Variants in TBXAS1 observed in about 807,000 individuals in gnomAD.
TBXAS1 encodes thromboxane A synthase 1.
TBXAS1 carries 48 observed loss-of-function variants against 60.7 expected under a neutral mutation model. That is an observed-to-expected ratio of 0.79 (90% confidence interval 0.63 to 1.01). The LOEUF is 1.01. TBXAS1 is among the 50% of genes least tolerant of loss of function. The pLI is 0.00. For synonymous variants in TBXAS1, 287 were observed against 269.7 expected (o/e 1.06, Z -0.63); for missense variants, 685 against 686.3 (o/e 1.00, Z 0.02).
intron 3 of TBXAS1, among the ~76,000 whole-genome samples, chr7:139,902,801 G>A (rs1804682823): frequency 6.6e-6 from 1 of 152,080 alleles, no homozygotes; most frequent in Admixed American, 6.5e-5. Flanking sequence ...TAGCCTTTCT[G>A]ATAGATGTGA....
chr7:139,845,381 C>T (rs1799729879), intron 1 of TBXAS1, among the ~76,000 whole-genome samples: 1 of 152,138 alleles, frequency 6.6e-6, no homozygotes, highest in Non-Finnish European at 1.5e-5. Flanking sequence ...CTCACAGCTC[C>T]TCCCACACAC....
In TBXAS1 at chr7:139,936,299, C is replaced by G; in HGVS notation, c.442C>G (p.Leu148Val). The change falls in exon 5 of 13, where the codon CTG (leucine) becomes GTG (valine). Residue 148 changes from leucine to valine, a missense_variant. Coordinates refer to ENST00000448866, the MANE Select transcript of TBXAS1 (RefSeq NM_001061.7). Reference sequence around the variant, plus strand: ...GATGTCTGCTTTCAGTCCTGAAAAGCTGAACGAGGTAAGACATGAGAAATG... The same window carrying G: ...GATGTCTGCTTTCAGTCCTGAAAAGGTGAACGAGGTAAGACATGAGAAATG... ...ALMSAFSPEKLNEMVPLISQA... is the reference protein window; with the variant it reads ...ALMSAFSPEKVNEMVPLISQA... 6.2e-7 allele frequency: 1 copy of G among 1,614,146 alleles called. No individual in the cohort carries two copies. Among genetic ancestry groups the G allele is most frequent in the Non-Finnish European group, 8.5e-7 (1 of 1,179,992 alleles).
At chr7:139,940,424 A>G (rs1168900200) in intron 5 of TBXAS1, among the ~76,000 whole-genome samples, 4 of 152,214 alleles carry the variant, frequency 2.6e-5, no homozygotes, top group African/African-American at 9.7e-5. Flanking sequence ...TTAAAAATAC[A>G]TAATTTCAGC....
chr7:140,008,237 C>A (rs1202215243), intron 10 of TBXAS1, among the ~76,000 whole-genome samples: 1 of 152,172 alleles, frequency 6.6e-6, no homozygotes, highest in Non-Finnish European at 1.5e-5. Context: ...ATGTTCAAGT[C>A]CAGAAGCAAA....
chr7:140,019,956 CCAAGTCTT>C, intron 12 of TBXAS1, 61 bp from the exon 13 acceptor site: 2 of 1,505,428 alleles, frequency 1.3e-6, no homozygotes, highest in South Asian at 2.3e-5. Flanking sequence ...TCTTGAACCT[CCAAGTCTT>C]CATTTGTACA....
chr7:139,866,225 G>T (rs1397982568), intron 1 of TBXAS1, among the ~76,000 whole-genome samples: 1 of 152,146 alleles, frequency 6.6e-6, no homozygotes, highest in Non-Finnish European at 1.5e-5. Context: ...AAATCTTCAT[G>T]CACAAAGTGT....
chr7:139,820,387 C>T (rs1798265539), intron 4 of TBXAS1, among the ~76,000 whole-genome samples: 1 of 152,144 alleles, frequency 6.6e-6, no homozygotes, highest in South Asian at 2.1e-4. Flanking sequence ...TGGTTAGCAA[C>T]ATCAAGAGCA....
intron 4 of TBXAS1, among the ~76,000 whole-genome samples, chr7:139,816,882 G>A (rs1441161262): frequency 5.3e-5 from 8 of 152,128 alleles, no homozygotes; most frequent in Non-Finnish European, 1.2e-4. Context: ...GTAGGGCTGC[G>A]TAGAGCAGGT....
chr7:139,993,888 CTTTCTTT>C (rs952652654), intron 9 of TBXAS1, among the ~76,000 whole-genome samples: 9 of 137,730 alleles, frequency 6.5e-5, no homozygotes, highest in Admixed American at 4.4e-4. Context: ...CTTTTTCTTT[CTTTCTTT>C]TTTTTTTTTT....
At chr7:140,003,556 G>C in intron 9 of TBXAS1, among the ~76,000 whole-genome samples, 1 of 152,200 alleles carries the variant, frequency 6.6e-6, no homozygotes, top group East Asian at 1.9e-4. Flanking sequence ...AAAGAGAAAA[G>C]CCTATCTAGG....
At chr7:139,892,557 C>T (rs935001247) in intron 3 of TBXAS1, among the ~76,000 whole-genome samples, 20 of 152,254 alleles carry the variant, frequency 1.3e-4, no homozygotes, top group Admixed American at 1.1e-3. Context: ...CATGCCACTG[C>T]ACTCCAGCCT....
intron 10 of TBXAS1, among the ~76,000 whole-genome samples, chr7:140,009,224 C>T (rs1814328869): frequency 1.3e-5 from 2 of 152,228 alleles, no homozygotes; most frequent in Admixed American, 1.3e-4. Context: ...GAGGACCAGA[C>T]AGAAACTAGA....
At position 139,916,839 on chromosome 7, in the gene TBXAS1, C is replaced by G. The variant is rs943216948; in HGVS notation, c.333+5518C>G. Among the ~76,000 whole-genome samples, 1 of 152,218 alleles carries G rather than the reference C, an allele frequency of 6.6e-6. No homozygotes were observed. The highest frequency in any genetic ancestry group is 1.5e-5 in the Non-Finnish European group (1 of 68,036). On this transcript the variant is annotated intron_variant, in intron 4 of 12. Transcript: ENST00000448866. The surrounding 1 kb of genome is among the most constrained non-coding windows in gnomAD (Gnocchi z 4.2). The stretch of plus-strand genomic sequence containing the variant: ...CCCTTGTGCGGGGGCCACAGGGACC[C>G]GCCTGCTGGCATCCATTGAGGAGAG...
At chr7:139,990,430 G>C (rs1441674798) in intron 9 of TBXAS1, among the ~76,000 whole-genome samples, 1 of 152,194 alleles carries the variant, frequency 6.6e-6, no homozygotes, top group Non-Finnish European at 1.5e-5. Flanking sequence ...AGCCTCAGGA[G>C]TGTGGAGTTC....
intron 3 of TBXAS1, among the ~76,000 whole-genome samples, chr7:139,884,659 C>T (rs534456021): frequency 1.3e-4 from 20 of 152,298 alleles, no homozygotes; most frequent in African/African-American, 4.6e-4. Context: ...AGTGGACAGT[C>T]CAGGAGAGAG....
At chr7:139,893,436 C>A (rs1327448477) in intron 3 of TBXAS1, among the ~76,000 whole-genome samples, 1 of 150,670 alleles carries the variant, frequency 6.6e-6, no homozygotes, top group Non-Finnish European at 1.5e-5. Context: ...TCAGGGACAG[C>A]CAAATGACTA....
chr7:140,009,282 C>T (rs905871319), intron 10 of TBXAS1, among the ~76,000 whole-genome samples: 2 of 152,180 alleles, frequency 1.3e-5, no homozygotes, highest in Non-Finnish European at 2.9e-5. Context: ...CTAGAGGGCA[C>T]GTCAGAAGAC....
intron 1 of TBXAS1, among the ~76,000 whole-genome samples, chr7:139,871,651 A>G (rs546361673): frequency 6.6e-6 from 1 of 152,302 alleles, no homozygotes; most frequent in African/African-American, 2.4e-5. Flanking sequence ...GGGCCGAGAA[A>G]ACAAAGACTT....
chr7:140,020,137 A>G lies in TBXAS1; in HGVS notation c.*38A>G, dbSNP rs779422205. ...CCGGGTGGGGGGAGGGCACCCCCAA[A>G]TTCAAAGAAAACCCTAAGTGTGGAT... On this transcript the variant is annotated 3_prime_UTR_variant, in exon 13 of 13. Coordinates refer to ENST00000448866, the MANE Select transcript of TBXAS1 (RefSeq NM_001061.7). 20 of 1,595,060 alleles carry G rather than the reference A, an allele frequency of 1.3e-5. No individual in the cohort carries two copies. The Admixed American group carries it at 3.2e-4, about 25-fold the overall frequency.
Sources: allele counts gnomAD v4.1 joint callset (sites outside exome capture counted in the v4.1 genomes callset), GRCh38; gene constraint gnomAD v4.1.1; non-coding constraint Gnocchi (gnomAD v3.1); transcripts MANE v1.5; gene names NCBI Gene and HGNC (gene_info 2026-07-23, HGNC 2026-07-21).